NUP58: variants seen among roughly 807,000 people sequenced by gnomAD.
NUP58 encodes the protein nucleoporin 58, also known as nucleoporin p58/p45.
A neutral mutation model predicts 70.1 loss-of-function variants in NUP58; 17 were observed. The observed-to-expected ratio is 0.24, with a 90% CI of 0.17 to 0.36. The LOEUF (loss-of-function observed/expected upper bound fraction) is 0.36, where lower values mean the gene tolerates loss of function less well. Among genes scored for constraint, NUP58 ranks in the 10% least tolerant of loss-of-function variants. NUP58 has a pLI of 1.00. For synonymous variants in NUP58, 275 were observed against 257.6 expected (o/e 1.07, Z -0.65); for missense variants, 644 against 701.5 (o/e 0.92, Z 0.93).
downstream of NUP58, among the ~76,000 whole-genome samples, chr13:25,342,929 A>G (rs1046806037): frequency 1.3e-5 from 2 of 152,098 alleles, no homozygotes; most frequent in African/African-American, 4.8e-5. Flanking sequence ...GTGTCTATAT[A>G]GATTTACTTT....
chr13:25,320,471 T>C (rs1400729531), intron 7 of NUP58, 59 bp from the exon 8 acceptor site: 1 of 1,205,318 alleles, frequency 8.3e-7, no homozygotes, highest in Non-Finnish European at 1.2e-6. Flanking sequence ...CTATTAAAAC[T>C]CAGCTGTCAA....
chr13:25,317,896 C>CTG (rs1394190091), intron 6 of NUP58: 3 of 128,816 alleles, frequency 2.3e-5, no homozygotes, highest in Non-Finnish European at 4.7e-5. Context: ...CAGTGACTTG[C>CTG]TGTGTCATGC....
chr13:25,336,802 GTT>G, intron 13 of NUP58, 132 bp from the exon 14 acceptor site: 1 of 591,344 alleles, frequency 1.7e-6, no homozygotes, highest in Non-Finnish European at 2.8e-6. Flanking sequence ...TGAAAACTAA[GTT>G]TTAACAAATG....
At chr13:25,339,071 G>T (rs977363169) in intron 15 of NUP58, among the ~76,000 whole-genome samples, 1 of 152,132 alleles carries the variant, frequency 6.6e-6, no homozygotes, top group African/African-American at 2.4e-5. Flanking sequence ...GAAAGTTTAA[G>T]TTTTTTGTCA....
At chr13:25,302,601 C>G (rs927991618) in intron 1 of NUP58, among the ~76,000 whole-genome samples, 5 of 152,194 alleles carry the variant, frequency 3.3e-5, no homozygotes, top group African/African-American at 1.2e-4. Flanking sequence ...CAGAAAGAAA[C>G]AAAGTGGTGA....
intron 9 of NUP58, among the ~76,000 whole-genome samples, chr13:25,324,107 G>A (rs1425829285): frequency 6.6e-6 from 1 of 151,936 alleles, no homozygotes; most frequent in Non-Finnish European, 1.5e-5. Flanking sequence ...GCTTAGAGAG[G>A]TAGCAGGGGT....
Position 25,333,871 on chromosome 13 carries a change from A to G in NUP58, c.1435+2313A>G, listed in dbSNP as rs1211348902. The G allele has an allele frequency of 1.9e-5, 19 of 985,294 alleles. No individual in the cohort carries two copies. The African/African-American group carries it at 3.3e-4, about 17-fold the overall frequency. 61.0% of individuals were successfully genotyped at this position (985,294 alleles called of 1,614,324 possible). A position where few individuals can be genotyped will look rare whatever the true frequency, so the allele number is the denominator to read the frequency against. ...TTATACATCACTGTTGATCTATACAAGATTTGAGTTATCAGAAGGGTTTTG... is the reference window on the plus strand; with the variant it reads ...TTATACATCACTGTTGATCTATACAGGATTTGAGTTATCAGAAGGGTTTTG... On this transcript the variant is annotated intron_variant, in intron 13 of 15. Transcript: ENST00000381736.
intron 12 of NUP58, among the ~76,000 whole-genome samples, chr13:25,329,560 A>G (rs531167491): frequency 5.9e-5 from 9 of 152,298 alleles, no homozygotes; most frequent in Admixed American, 2.6e-4. Flanking sequence ...CAAGAACCAA[A>G]GAATATTTTA....
chr13:25,325,137 C>T (rs2031345689), intron 10 of NUP58, 69 bp downstream of exon 10: 1 of 1,095,828 alleles, frequency 9.1e-7, no homozygotes, highest in East Asian at 2.4e-5. Context: ...TAATAGTATA[C>T]AAACTAAATA....
chr13:25,347,907 ACTC>A (rs1276824185), intron 3 of NUP58, among the ~76,000 whole-genome samples: 2 of 151,410 alleles, frequency 1.3e-5, no homozygotes, highest in Non-Finnish European at 2.9e-5. Flanking sequence ...GAGAATTTCT[ACTC>A]CTCTATACCA....
chr13:25,343,466 CTTTT>C (rs59695355), downstream of NUP58, among the ~76,000 whole-genome samples: 1 of 141,988 alleles, frequency 7.0e-6, no homozygotes, highest in Admixed American at 7.1e-5. Flanking sequence ...TAATTCATTC[CTTTT>C]TTTTTTTTTG....
chr13:25,303,245 C>T, intron 1 of NUP58: 2 of 385,226 alleles, frequency 5.2e-6, no homozygotes, highest in Middle Eastern at 9.2e-4. Flanking sequence ...AAAAACTTAC[C>T]ATAGTCTGCA....
chr13:25,326,497 C>A (rs1021718739), intron 10 of NUP58, among the ~76,000 whole-genome samples: 10 of 152,056 alleles, frequency 6.6e-5, no homozygotes, highest in African/African-American at 2.4e-4. Context: ...GGTTGGTAGA[C>A]GTTTCTACTT....
chr13:25,301,694 C>A lies in NUP58; in HGVS notation c.-80C>A. Reference sequence around the variant, plus strand: ...CCGTGCCGGGCGAGAGAGATGCTGCCCGGCCCGCCTCGGCTTTGAGGCGAG... The same window carrying A: ...CCGTGCCGGGCGAGAGAGATGCTGCACGGCCCGCCTCGGCTTTGAGGCGAG... On this transcript the variant is annotated 5_prime_UTR_variant, in exon 1 of 16. Coordinates refer to ENST00000381736, the MANE Select transcript of NUP58 (RefSeq NM_014089.4). The A allele has an allele frequency of 1.4e-6, 1 of 736,686 alleles. No homozygotes were observed. Among genetic ancestry groups the A allele is most frequent in the Non-Finnish European group, 2.0e-6 (1 of 489,480 alleles). The allele number at this position is 736,686 out of a possible 1,614,324, so 45.6% of individuals were successfully genotyped here.
rs753544924 is a variant in NUP58, at chr13:25,320,488, A to G, written c.711-42A>G. 9 of 1,433,014 alleles carry G rather than the reference A, an allele frequency of 6.3e-6. No individual in the cohort carries two copies. In the South Asian group the frequency reaches 1.0e-4, roughly 17 times the overall value. The allele number at this position is 1,433,014 out of a possible 1,614,324, so 88.8% of individuals were successfully genotyped here. On this transcript the variant is annotated intron_variant, in intron 7 of 15. Coordinates refer to ENST00000381736, the MANE Select transcript of NUP58 (RefSeq NM_014089.4). The stretch of plus-strand genomic sequence containing the variant: ...ATTAAAACTCAGCTGTCAACTTTTT[A>G]AAATCTCAATGACCTTAATACATGT...
chr13:25,317,000 TC>T (rs2030961966), intron 6 of NUP58, among the ~76,000 whole-genome samples: 1 of 152,220 alleles, frequency 6.6e-6, no homozygotes, highest in Non-Finnish European at 1.5e-5. Context: ...ACATCCCAGT[TC>T]CCTTTTATCT....
intron 13 of NUP58, chr13:25,332,120 A>G (rs2031628521): frequency 6.1e-6 from 6 of 990,530 alleles, no homozygotes; most frequent in Non-Finnish European, 7.2e-6. Context: ...TTTGAAGATG[A>G]TACATGCTAG....
At chr13:25,328,690 A>G (rs1456280120) in intron 12 of NUP58, among the ~76,000 whole-genome samples, 1 of 152,080 alleles carries the variant, frequency 6.6e-6, no homozygotes, top group Non-Finnish European at 1.5e-5. Context: ...GAGCCACTGC[A>G]CCCAGCCTGA....
chr13:25,313,895 C>A, intron 5 of NUP58, 144 bp downstream of exon 5: 1 of 584,568 alleles, frequency 1.7e-6, no homozygotes, highest in Non-Finnish European at 2.8e-6. Flanking sequence ...TGATGGTTTT[C>A]ATACATAATT....
Sources: gnomAD v4.1 joint callset for allele counts (sites outside exome capture counted in the v4.1 genomes callset) on GRCh38, gnomAD v4.1.1 for gene constraint, MANE v1.5 for transcripts, NCBI Gene and HGNC (gene_info 2026-07-23, HGNC 2026-07-21) for gene names.